The following COBL variants were observed in gnomAD, a reference collection of about 807,000 sequenced individuals.
The protein encoded by COBL is cordon-bleu WH2 repeat protein.
A neutral mutation model predicts 98.8 loss-of-function variants in COBL; 51 were observed. The ratio of observed to expected loss-of-function variants is 0.52; its 90% CI spans 0.41 to 0.65. COBL has a LOEUF of 0.65. Ranked by LOEUF, COBL falls within the 30% of genes least tolerant of loss-of-function variation. The pLI, the probability that COBL is intolerant of heterozygous loss-of-function variation, is 0.00. For synonymous variants in COBL, 634 were observed against 651.7 expected, an observed-to-expected ratio of 0.97 and a Z score of 0.41; for missense variants, 1,617 against 1,617.5, an observed-to-expected ratio of 1.00 and a Z score of 0.01.
chr7:51,105,967 C>T (rs1222292755), intron 6 of COBL, among the ~76,000 whole-genome samples: 1 of 151,606 alleles, frequency 6.6e-6, no homozygotes, highest in Non-Finnish European at 1.5e-5. Context: ...ATACATCCAC[C>T]CCACTGCCTG....
chr7:51,260,089 T>C (rs1381384956), intron 1 of COBL: 6 of 1,419,752 alleles, frequency 4.2e-6, no homozygotes, highest in Non-Finnish European at 5.9e-6. Context: ...TGGGTGGCTT[T>C]GAGGACTTGA....
chr7:51,017,602 T>G, intron 12 of COBL, 34 bp from the exon 13 acceptor site: 1 of 1,612,482 alleles, frequency 6.2e-7, no homozygotes, highest in Non-Finnish European at 8.5e-7. Flanking sequence ...TTATTTGGTA[T>G]GTCAATAAGC....
At chr7:51,074,510 T>G (rs557977972) in intron 7 of COBL, among the ~76,000 whole-genome samples, 9 of 152,216 alleles carry the variant, frequency 5.9e-5, no homozygotes, top group African/African-American at 1.9e-4. Flanking sequence ...CTTCAAACCA[T>G]TGTTGAAAAA....
At chr7:51,123,077 T>C (rs915537951) in intron 6 of COBL, among the ~76,000 whole-genome samples, 2 of 152,232 alleles carry the variant, frequency 1.3e-5, no homozygotes, top group Non-Finnish European at 2.9e-5. Flanking sequence ...ACTTGTTTTA[T>C]TTGTTGTCCC....
chr7:51,122,222 C>T (rs984967714), intron 6 of COBL, among the ~76,000 whole-genome samples: 3 of 152,224 alleles, frequency 2.0e-5, no homozygotes, highest in Admixed American at 6.5e-5. Context: ...AAAAGGTAGA[C>T]GTTAAGCAAC....
chr7:51,196,205 G>A (rs1239812535), intron 2 of COBL, among the ~76,000 whole-genome samples: 1 of 152,170 alleles, frequency 6.6e-6, no homozygotes, highest in African/African-American at 2.4e-5. Context: ...TTTTTAACAT[G>A]AAGGGATGTT....
At chr7:51,079,422 A>G (rs1225718415) in intron 7 of COBL, among the ~76,000 whole-genome samples, 3 of 152,224 alleles carry the variant, frequency 2.0e-5, no homozygotes, top group Non-Finnish European at 4.4e-5. Context: ...ATGGTGAGAT[A>G]AATTCTGGTA....
At chr7:51,278,799 A>C (rs2129173812) in intron 1 of COBL, among the ~76,000 whole-genome samples, 1 of 152,330 alleles carries the variant, frequency 6.6e-6, no homozygotes, top group South Asian at 2.1e-4. Flanking sequence ...AATGACACCA[A>C]TCATCTAGAG....
chr7:51,268,935 A>C (rs536950999), intron 1 of COBL, among the ~76,000 whole-genome samples: 26 of 128,800 alleles, frequency 2.0e-4, no homozygotes, highest in African/African-American at 7.0e-4. Flanking sequence ...GTCTCAATAA[A>C]AAAAAAAAAA....
At chr7:51,178,490 G>A (rs1157535102) in intron 5 of COBL, among the ~76,000 whole-genome samples, 1 of 152,072 alleles carries the variant, frequency 6.6e-6, no homozygotes, top group African/African-American at 2.4e-5. Flanking sequence ...TTTCTCTTTT[G>A]AACAGGGTTT....
chr7:51,286,347 C>A (rs1191235652), intron 1 of COBL, among the ~76,000 whole-genome samples: 1 of 140,108 alleles, frequency 7.1e-6, no homozygotes, highest in Non-Finnish European at 1.5e-5. Context: ...AAAAAATCTG[C>A]AAATCACATA....
intron 5 of COBL, among the ~76,000 whole-genome samples, chr7:51,137,131 G>A (rs1312569070): frequency 6.6e-6 from 1 of 152,164 alleles, no homozygotes; most frequent in Admixed American, 6.5e-5. Context: ...CTGTGTCCTG[G>A]TGCCTCTTCT....
chr7:51,138,102 G>T (rs111344665), intron 5 of COBL, among the ~76,000 whole-genome samples: 11 of 152,242 alleles, frequency 7.2e-5, no homozygotes, highest in African/African-American at 2.2e-4. Flanking sequence ...CGCCATTAGT[G>T]CTTCCCTGCA....
intron 1 of COBL, among the ~76,000 whole-genome samples, chr7:51,231,134 G>C (rs1794703598): frequency 6.6e-6 from 1 of 152,150 alleles, no homozygotes; most frequent in South Asian, 2.1e-4. Flanking sequence ...ACAGGATTAG[G>C]CAAAAATTAA....
intron 10 of COBL, 110 bp downstream of exon 10, chr7:51,027,602 G>A: frequency 1.1e-6 from 1 of 926,404 alleles, no homozygotes; most frequent in Admixed American, 2.5e-5. Context: ...AAGCCTCACT[G>A]TTATCCTAAT....
chr7:51,182,079 A>G (rs78870745), intron 5 of COBL, among the ~76,000 whole-genome samples: 2,013 of 152,272 alleles, frequency 0.013, 44 homozygotes, highest in African/African-American at 0.046. Flanking sequence ...GGAAGAAGAC[A>G]CAAAGAGAAC....
chr7:51,263,295 C>T (rs1299712293), intron 1 of COBL, among the ~76,000 whole-genome samples: 1 of 152,134 alleles, frequency 6.6e-6, no homozygotes, highest in Non-Finnish European at 1.5e-5. Context: ...CTGGGGAGGG[C>T]CCACGAGGTC....
At chr7:51,114,384 C>A (rs1284610708) in intron 6 of COBL, among the ~76,000 whole-genome samples, 3 of 148,668 alleles carry the variant, frequency 2.0e-5, no homozygotes, top group Admixed American at 2.0e-4. Flanking sequence ...AAAAAAAAAT[C>A]CAGAGATAAT....
At chr7:51,289,320 G>A (rs2129185054) in intron 1 of COBL, among the ~76,000 whole-genome samples, 1 of 152,294 alleles carries the variant, frequency 6.6e-6, no homozygotes, top group South Asian at 2.1e-4. Context: ...CCTCCCAAGT[G>A]ACTCTAGGCT....
Sources: allele counts gnomAD v4.1 joint callset (sites outside exome capture counted in the v4.1 genomes callset), GRCh38; gene constraint gnomAD v4.1.1; transcripts MANE v1.5; gene names NCBI Gene and HGNC (gene_info 2026-07-23, HGNC 2026-07-21).